ZNF385D: variants seen among roughly 807,000 people sequenced by gnomAD.
ZNF385D encodes the protein zinc finger protein 385D, also known as zinc finger protein 659.
Under a neutral mutation model 35.8 loss-of-function variants are expected in ZNF385D, and 15 were observed. The ratio of observed to expected loss-of-function variants is 0.42; its 90% CI spans 0.28 to 0.64. The LOEUF is 0.64. Among genes scored for constraint, ZNF385D ranks in the 30% least tolerant of loss-of-function variants. The pLI is 0.23. For synonymous variants in ZNF385D, 212 were observed against 186.8 expected, an observed-to-expected ratio of 1.13 and a Z score of -1.10; for missense variants, 474 against 494.6, an observed-to-expected ratio of 0.96 and a Z score of 0.39.
At chr3:21,895,494 ATT>A (rs1221696542) in intron 3 of ZNF385D, among the ~76,000 whole-genome samples, 38 of 131,426 alleles carry the variant, frequency 2.9e-4, no homozygotes, top group East Asian at 4.4e-4. Context: ...TGCCTGGCTA[ATT>A]TTTTTTTTTT....
At chr3:22,122,786 G>A (rs1703162578) in intron 3 of ZNF385D, among the ~76,000 whole-genome samples, 1 of 152,196 alleles carries the variant, frequency 6.6e-6, no homozygotes, top group South Asian at 2.1e-4. Context: ...AATGAGTCAT[G>A]CATGCAGTTT....
intron 3 of ZNF385D, among the ~76,000 whole-genome samples, chr3:22,131,109 A>C (rs1453932459): frequency 1.3e-5 from 2 of 152,208 alleles, no homozygotes; most frequent in African/African-American, 4.8e-5. Context: ...TGTTTGGATA[A>C]AATGTATAAG....
In ZNF385D at chr3:21,799,636, G is replaced by A. The variant is rs765510111; in HGVS notation, c.326-134608C>T. 5.9e-5 allele frequency among the ~76,000 whole-genome samples: 9 copies of A among 152,038 alleles called. No individual in the cohort carries two copies. In the South Asian group the frequency reaches 8.3e-4, roughly 14 times the overall value. On this transcript the variant is annotated intron_variant, in intron 3 of 5. Transcript: ENST00000494108. ...TTGGATTGTTTTTCCTTTTGTCATCGAGTTCTAAGAGTCCTTTTCATATTC... is the reference window on the plus strand; with the variant it reads ...TTGGATTGTTTTTCCTTTTGTCATCAAGTTCTAAGAGTCCTTTTCATATTC...
chr3:21,728,527 C>A (rs146661212), intron 1 of ZNF385D, among the ~76,000 whole-genome samples: 2 of 152,166 alleles, frequency 1.3e-5, no homozygotes, highest in East Asian at 1.9e-4. Flanking sequence ...ATTGAGAACA[C>A]CTGAATTTGT....
At chr3:21,769,433 C>T in intron 3 of ZNF385D, among the ~76,000 whole-genome samples, 1 of 125,040 alleles carries the variant, frequency 8.0e-6, no homozygotes, top group Admixed American at 8.6e-5. Context: ...CATTCTTATA[C>T]ACCAATAACA....
chr3:21,457,746 A>T (rs1287988121), intron 4 of ZNF385D, among the ~76,000 whole-genome samples: 1 of 152,200 alleles, frequency 6.6e-6, no homozygotes, highest in Non-Finnish European at 1.5e-5. Flanking sequence ...CAGGATGTTT[A>T]TTTAAAACCT....
chr3:21,464,590 C>T (rs1319905448), intron 4 of ZNF385D, among the ~76,000 whole-genome samples: 1 of 152,080 alleles, frequency 6.6e-6, no homozygotes, highest in Non-Finnish European at 1.5e-5. Context: ...AGATTACGCT[C>T]TAGAATTGCA....
At chr3:22,047,089 G>T (rs559879854) in intron 3 of ZNF385D, among the ~76,000 whole-genome samples, 2 of 152,194 alleles carry the variant, frequency 1.3e-5, no homozygotes, top group African/African-American at 4.8e-5. Context: ...CTCTGTCAAC[G>T]ATGAAGGCTT....
intron 2 of ZNF385D, among the ~76,000 whole-genome samples, chr3:22,183,515 G>T (rs1460954521): frequency 6.6e-6 from 1 of 151,902 alleles, no homozygotes; most frequent in Non-Finnish European, 1.5e-5. Flanking sequence ...ACACCACCAT[G>T]CCCAGCTAAT....
intron 3 of ZNF385D, among the ~76,000 whole-genome samples, chr3:21,770,720 C>T (rs535380981): frequency 6.6e-6 from 1 of 152,186 alleles, no homozygotes; most frequent in South Asian, 2.1e-4. Flanking sequence ...ACCATTTGAC[C>T]CAGCCATCCC....
chr3:22,143,863 ATTTC>A (rs907793296), intron 3 of ZNF385D, among the ~76,000 whole-genome samples: 105 of 152,340 alleles, frequency 6.9e-4, no homozygotes, highest in African/African-American at 2.0e-3. Context: ...ACAATGTATT[ATTTC>A]TTTGTCATTA....
chr3:21,668,726 A>G (rs2066477012), intron 1 of ZNF385D, among the ~76,000 whole-genome samples: 1 of 152,222 alleles, frequency 6.6e-6, no homozygotes, highest in African/African-American at 2.4e-5. Context: ...GCTCAGCAAC[A>G]AGAATACTAT....
chr3:22,186,143 A>C (rs1695614973), intron 2 of ZNF385D, among the ~76,000 whole-genome samples: 1 of 152,164 alleles, frequency 6.6e-6, no homozygotes, highest in South Asian at 2.1e-4. Context: ...ACTTCACGTA[A>C]TTGGAGTTAG....
At chr3:21,449,179 G>T (rs1437528258) in intron 4 of ZNF385D, among the ~76,000 whole-genome samples, 5 of 151,310 alleles carry the variant, frequency 3.3e-5, no homozygotes, top group Non-Finnish European at 5.9e-5. Flanking sequence ...TATTAATAAA[G>T]TATGCTAAGA....
chr3:21,808,007 T>C lies in ZNF385D; in HGVS notation c.326-142979A>G, dbSNP rs113361066. ...CTCTAACCTCATGTATGACCAAATA[T>C]GTCTGAAAATAGAATTGCTAAGTAG... is the stretch of plus-strand genomic sequence containing the variant. On this transcript the variant is annotated intron_variant, in intron 3 of 5. Transcript: ENST00000494108. Among the ~76,000 whole-genome samples the C allele has an allele frequency of 5.2e-3, 789 of 152,292 alleles. 6 individuals carry two copies. The highest frequency in any genetic ancestry group is 0.017 in the African/African-American group (708 of 41,566).
chr3:22,235,155 AT>A (rs938330316), intron 2 of ZNF385D, among the ~76,000 whole-genome samples: 4 of 151,890 alleles, frequency 2.6e-5, no homozygotes, highest in Admixed American at 2.0e-4. Flanking sequence ...GAATTTAAAT[AT>A]TTTTTCTATA....
At chr3:21,953,236 T>G (rs1192768050) in intron 3 of ZNF385D, among the ~76,000 whole-genome samples, 1 of 151,272 alleles carries the variant, frequency 6.6e-6, no homozygotes, top group Non-Finnish European at 1.5e-5. Context: ...GCAGCAGAAC[T>G]TACAAACTAG....
chr3:22,256,204 T>C (rs2125336217), intron 2 of ZNF385D, among the ~76,000 whole-genome samples: 1 of 139,480 alleles, frequency 7.2e-6, no homozygotes, highest in African/African-American at 2.9e-5. Context: ...CACACATACA[T>C]ATATACATAT....
chr3:21,581,011 C>T (rs2063642432), intron 2 of ZNF385D, among the ~76,000 whole-genome samples: 1 of 152,042 alleles, frequency 6.6e-6, no homozygotes, highest in African/African-American at 2.4e-5. Flanking sequence ...TAATTTACGT[C>T]CTTCCTCCCA....
Sources: gnomAD v4.1 joint callset for allele counts (sites outside exome capture counted in the v4.1 genomes callset) on GRCh38, gnomAD v4.1.1 for gene constraint, MANE v1.5 for transcripts, NCBI Gene and HGNC (gene_info 2026-07-23, HGNC 2026-07-21) for gene names.